HS3ST2: variants seen among roughly 807,000 people sequenced by gnomAD.
HS3ST2 encodes the protein heparan sulfate-glucosamine 3-sulfotransferase 2, also known as heparan sulfate glucosamine 3-O-sulfotransferase 2.
Under a neutral mutation model 26.3 loss-of-function variants are expected in HS3ST2, and 17 were observed. The observed-to-expected ratio is 0.65, with a 90% CI of 0.44 to 0.97. HS3ST2 has a LOEUF of 0.97. Ranked by LOEUF, HS3ST2 falls within the 50% of genes least tolerant of loss-of-function variation. HS3ST2 has a pLI of 0.00. For missense variants in HS3ST2, 402 were observed against 501.2 expected, an observed-to-expected ratio of 0.80 and a Z score of 1.89; for synonymous variants, 237 against 219.2, an observed-to-expected ratio of 1.08 and a Z score of -0.72.
At chr16:22,875,714 G>A (rs1901906496) in intron 1 of HS3ST2, among the ~76,000 whole-genome samples, 1 of 152,162 alleles carries the variant, frequency 6.6e-6, no homozygotes, top group Non-Finnish European at 1.5e-5. Flanking sequence ...CTGCAGTTGT[G>A]TACAGGAATG....
intron 1 of HS3ST2, among the ~76,000 whole-genome samples, chr16:22,818,534 T>C (rs1054673101): frequency 2.0e-5 from 3 of 152,196 alleles, no homozygotes; most frequent in Admixed American, 6.5e-5. Context: ...TAGTTTCTGA[T>C]GCTGCTGCTG....
chr16:22,902,141 T>G (rs752676848), intron 1 of HS3ST2, among the ~76,000 whole-genome samples: 8 of 152,242 alleles, frequency 5.3e-5, no homozygotes, highest in Non-Finnish European at 1.2e-4. Context: ...TTAAACTTAC[T>G]GTTCTACAAC....
chr16:22,886,495 G>A lies in HS3ST2; in HGVS notation c.486-28449G>A, dbSNP rs1902061085. Among the ~76,000 whole-genome samples, 3 of 152,072 alleles carry A rather than the reference G, an allele frequency of 2.0e-5. No individual in the cohort carries two copies. The South Asian group carries it at 6.2e-4, about 32-fold the overall frequency. ...GACAGCGTGTAAGCCCAGCTATAGG[G>A]GAGACAGCTTGGTAAACTAAGTGAA... On this transcript the variant is annotated intron_variant, in intron 1 of 1. Coordinates refer to ENST00000261374, the MANE Select transcript of HS3ST2 (RefSeq NM_006043.2).
chr16:22,847,160 G>A (rs1485216999), intron 1 of HS3ST2, among the ~76,000 whole-genome samples: 1 of 152,082 alleles, frequency 6.6e-6, no homozygotes, highest in Admixed American at 6.6e-5. Context: ...GTGTGCCCCA[G>A]TGTCTGCTGT....
chr16:22,905,204 A>G (rs142271233), intron 1 of HS3ST2, among the ~76,000 whole-genome samples: 50 of 152,302 alleles, frequency 3.3e-4, no homozygotes, highest in African/African-American at 1.2e-3. Flanking sequence ...GAATCCTATC[A>G]GTAATAATCA....
intron 1 of HS3ST2, among the ~76,000 whole-genome samples, chr16:22,885,604 C>A (rs560913706): frequency 8.6e-5 from 13 of 151,652 alleles, no homozygotes; most frequent in Middle Eastern, 3.4e-3. Context: ...TACAGGCGTG[C>A]GCCACCACGC....
intron 1 of HS3ST2, among the ~76,000 whole-genome samples, chr16:22,913,208 G>A (rs571131661): frequency 6.8e-6 from 1 of 147,880 alleles, no homozygotes; most frequent in African/African-American, 2.6e-5. Flanking sequence ...GGGACTTCTC[G>A]GGTAGTTCTA....
intron 1 of HS3ST2, among the ~76,000 whole-genome samples, chr16:22,850,661 C>G (rs573634447): frequency 6.6e-6 from 1 of 152,290 alleles, no homozygotes; most frequent in South Asian, 2.1e-4. Flanking sequence ...GTGGAGCTCA[C>G]CTGTAATCCC....
At chr16:22,902,574 G>T (rs1037839214) in intron 1 of HS3ST2, among the ~76,000 whole-genome samples, 14 of 152,222 alleles carry the variant, frequency 9.2e-5, no homozygotes, top group African/African-American at 3.4e-4. Context: ...GAGTGGAATT[G>T]CTGGGTTAAA....
At chr16:22,848,492 C>G (rs141676364) in intron 1 of HS3ST2, among the ~76,000 whole-genome samples, 66 of 151,688 alleles carry the variant, frequency 4.4e-4, no homozygotes, top group African/African-American at 1.6e-3. Flanking sequence ...ATGGCTTTAG[C>G]TCAAGCTGAA....
chr16:22,872,591 C>T (rs1441876344), intron 1 of HS3ST2, among the ~76,000 whole-genome samples: 1 of 152,156 alleles, frequency 6.6e-6, no homozygotes, highest in Non-Finnish European at 1.5e-5. Context: ...ATGGGGCACA[C>T]CCTCTAGGGT....
In HS3ST2 at chr16:22,863,527, G is replaced by A. The variant is rs565622038; in HGVS notation, c.485+48432G>A. Reference sequence around the variant, plus strand: ...TGAGGTTTGGGATACAAATGATTCCGTCACCCAGAGAGTGAGCATAGTACA... The same window carrying A: ...TGAGGTTTGGGATACAAATGATTCCATCACCCAGAGAGTGAGCATAGTACA... On this transcript the variant is annotated intron_variant, in intron 1 of 1. Coordinates refer to ENST00000261374, the MANE Select transcript of HS3ST2 (RefSeq NM_006043.2). 1.5e-4 allele frequency among the ~76,000 whole-genome samples: 23 copies of A among 152,258 alleles called. No homozygotes were observed. In the East Asian group the frequency reaches 1.7e-3, roughly 12 times the overall value.
intron 1 of HS3ST2, among the ~76,000 whole-genome samples, chr16:22,827,369 G>C (rs187656863): frequency 6.0e-4 from 92 of 152,308 alleles, no homozygotes; most frequent in African/African-American, 2.2e-3. Flanking sequence ...GGCTAGTGTT[G>C]AGTTAAGGCA....
intron 1 of HS3ST2, among the ~76,000 whole-genome samples, chr16:22,835,897 G>A (rs1328109601): frequency 6.6e-6 from 1 of 151,850 alleles, no homozygotes; most frequent in African/African-American, 2.4e-5. Flanking sequence ...CCACAAAAGT[G>A]AGTGGAATGT....
At chr16:22,831,243 A>G (rs1901162649) in intron 1 of HS3ST2, among the ~76,000 whole-genome samples, 1 of 152,246 alleles carries the variant, frequency 6.6e-6, no homozygotes, top group Admixed American at 6.5e-5. Context: ...TTTAGCCACT[A>G]GTGGTACATA....
At chr16:22,817,432 T>C (rs907998885) in intron 1 of HS3ST2, among the ~76,000 whole-genome samples, 7 of 152,194 alleles carry the variant, frequency 4.6e-5, no homozygotes, top group African/African-American at 1.7e-4. Flanking sequence ...TGCAGGGTAA[T>C]ACTACCCCAC....
intron 1 of HS3ST2, among the ~76,000 whole-genome samples, chr16:22,824,720 A>T (rs950228430): frequency 1.7e-4 from 26 of 152,346 alleles, no homozygotes; most frequent in Middle Eastern, 3.4e-3. Flanking sequence ...CCACTGCAGA[A>T]AATGGTCCCT....
intron 1 of HS3ST2, among the ~76,000 whole-genome samples, chr16:22,869,269 TGTTGTA>T (rs1901799208): frequency 6.6e-6 from 1 of 152,062 alleles, no homozygotes; most frequent in Non-Finnish European, 1.5e-5. Context: ...GGCAGCATCG[TGTTGTA>T]GTTAAAGGCA....
At chr16:22,843,576 CAAAT>C (rs1049872014) in intron 1 of HS3ST2, among the ~76,000 whole-genome samples, 63 of 152,258 alleles carry the variant, frequency 4.1e-4, no homozygotes, top group African/African-American at 1.5e-3. Flanking sequence ...TTAAATGATG[CAAAT>C]AAATAGCCAG....
Sources: allele counts gnomAD v4.1 joint callset (sites outside exome capture counted in the v4.1 genomes callset), GRCh38; gene constraint gnomAD v4.1.1; transcripts MANE v1.5; gene names NCBI Gene and HGNC (gene_info 2026-07-23, HGNC 2026-07-21).